The following STRN variants were observed in gnomAD, a reference collection of about 807,000 sequenced individuals.
STRN encodes the protein protein phosphatase 2 regulatory subunit B'''alpha.
STRN carries 53 observed loss-of-function variants against 96.3 expected under a neutral mutation model. The observed-to-expected ratio is 0.55, with a 90% CI of 0.44 to 0.69. The LOEUF is 0.69. Among genes scored for constraint, STRN ranks in the 30% least tolerant of loss-of-function variants. STRN has a pLI of 0.00. For synonymous variants in STRN, 428 were observed against 355.9 expected (o/e 1.20, Z -2.28); for missense variants, 987 against 963.9 (o/e 1.02, Z -0.32).
intron 9 of STRN, among the ~76,000 whole-genome samples, chr2:36,880,343 G>C (rs1215321425): frequency 6.6e-6 from 1 of 152,158 alleles, no homozygotes; most frequent in African/African-American, 2.4e-5. Context: ...GAAGGCTTGA[G>C]GCAGGAGGAT....
At chr2:36,956,240 CA>C (rs969638217) in intron 1 of STRN, among the ~76,000 whole-genome samples, 1 of 152,098 alleles carries the variant, frequency 6.6e-6, no homozygotes, top group Non-Finnish European at 1.5e-5. Flanking sequence ...TCTCAACCAA[CA>C]AAAAAGCAAA....
chr2:36,966,153 G>A (rs1572707436), intron 1 of STRN, 77 bp downstream of exon 1: 2 of 1,361,716 alleles, frequency 1.5e-6, no homozygotes, highest in Non-Finnish European at 1.9e-6. Context: ...GGCTGGGGGA[G>A]GGGGAGAAGG....
In STRN at chr2:36,877,787, C is replaced by G. The variant is rs112912338; in HGVS notation, c.1323+104G>C. 1.2e-5 allele frequency: 16 copies of G among 1,311,892 alleles called. No individual in the cohort carries two copies. The East Asian group carries it at 2.9e-4, about 24-fold the overall frequency. The allele number at this position is 1,311,892 out of a possible 1,614,324, so 81.3% of individuals were successfully genotyped here. A position where few individuals can be genotyped will look rare whatever the true frequency, so the allele number is the denominator to read the frequency against. ...CTGACCTCAAGTGATCCGCCCACCT[C>G]GGCCTCCCAAAGTGCTGGATTACAG... On this transcript the variant is annotated intron_variant, in intron 10 of 17. Transcript: ENST00000263918.
intron 3 of STRN, among the ~76,000 whole-genome samples, chr2:36,911,124 T>C (rs1669955577): frequency 6.6e-6 from 1 of 152,218 alleles, no homozygotes; most frequent in African/African-American, 2.4e-5. Context: ...CACCATCATC[T>C]ATAAATCCCT....
rs1668035289 is a variant in STRN, at chr2:36,845,102, AG to A, written c.*4353del. 6.6e-6 allele frequency: 1 copy of A among 152,162 alleles called. No homozygotes were observed. The highest frequency in any genetic ancestry group is 2.4e-5 in the African/African-American group (1 of 41,448). 9.4% of individuals were successfully genotyped at this position (152,162 alleles called of 1,614,324 possible). ...CCTTGTAGTCACTTTCAAAGAATAA[AG>A]TAATCTAAATAAAATTATACTTAGC... On this transcript the variant is annotated 3_prime_UTR_variant, in exon 18 of 18. Transcript: ENST00000263918.
At position 36,849,755 on chromosome 2, in the gene STRN, C is replaced by G; in HGVS notation, c.2132G>C (p.Ser711Thr). 4 of 1,614,128 alleles carry G rather than the reference C, an allele frequency of 2.5e-6. No individual in the cohort carries two copies. Among genetic ancestry groups the G allele is most frequent in the South Asian group, 2.2e-5 (2 of 91,074 alleles). Residue 711 changes from serine (S) to threonine (T), a missense_variant, in exon 17 of 18, where the codon AGT becomes ACT. Transcript: ENST00000263918. The stretch of plus-strand genomic sequence containing the variant: ...AAGGCCATTGGGATCAACTGCTAAA[C>G]TTGTAACAGCTTCTAGGTGGGCTAC... Reference protein sequence around the residue: ...SMVAHLEAVTSLAVDPNGLYL... With the variant: ...SMVAHLEAVTTLAVDPNGLYL...
At position 36,867,834 on chromosome 2, in the gene STRN, G is replaced by A. The variant is rs751472901; in HGVS notation, c.1527C>T (p.Ile509=). The A allele has an allele frequency of 3.1e-6, 5 of 1,592,230 alleles. No homozygotes were observed. In the South Asian group the frequency reaches 5.7e-5, roughly 18 times the overall value. Residue 509 remains isoleucine (I), a synonymous_variant, in exon 12 of 18, where the codon ATC becomes ATT. Transcript: ENST00000263918. ...CTTACTTATGGGCTCTGAATGTATA[G>A]ATAGGTTCTACATCAAGAGAAGTGC... ...KKSTSLDVEP[I]YTFRAHKGPV...
intron 1 of STRN, among the ~76,000 whole-genome samples, chr2:36,961,109 G>C (rs1665019383): frequency 7.3e-6 from 1 of 137,864 alleles, no homozygotes; most frequent in Non-Finnish European, 1.5e-5. Context: ...TGTTGCCCAG[G>C]CTGCACTTTT....
intron 7 of STRN, 116 bp downstream of exon 7, chr2:36,893,782 A>C: frequency 7.8e-7 from 1 of 1,279,014 alleles, no homozygotes; most frequent in South Asian, 1.6e-5. Context: ...TAGTAGTAAT[A>C]AGTTCACAGA....
chr2:36,892,018 T>TAA (rs1163666688), intron 7 of STRN, among the ~76,000 whole-genome samples: 1 of 152,138 alleles, frequency 6.6e-6, no homozygotes, highest in African/African-American at 2.4e-5. Flanking sequence ...ACTAAAAACG[T>TAA]AAAAAAAGTT....
At chr2:36,944,728 C>G (rs1670936014) in intron 1 of STRN, among the ~76,000 whole-genome samples, 1 of 152,102 alleles carries the variant, frequency 6.6e-6, no homozygotes, top group Non-Finnish European at 1.5e-5. Context: ...ACATTCCATG[C>G]TCCTTAGATG....
intron 1 of STRN, among the ~76,000 whole-genome samples, chr2:36,935,261 C>T (rs1276603949): frequency 6.6e-6 from 1 of 152,162 alleles, no homozygotes; most frequent in Non-Finnish European, 1.5e-5. Context: ...CCTACACACA[C>T]CACAGTAATC....
rs180712027 is a variant in STRN at position 36,870,538 on chromosome 2, A to C, written c.1324-809T>G. Reference sequence around the variant, plus strand: ...CCCATAAAATTATAATGAAGCTGAAAAATTCCTATAGTAACATCATAGCTG... The same window carrying C: ...CCCATAAAATTATAATGAAGCTGAACAATTCCTATAGTAACATCATAGCTG... On this transcript the variant is annotated intron_variant, in intron 10 of 17. Transcript: ENST00000263918. 9.8e-5 allele frequency among the ~76,000 whole-genome samples: 15 copies of C among 152,312 alleles called. No individual in the cohort carries two copies. In the East Asian group the frequency reaches 1.7e-3, roughly 18 times the overall value.
chr2:36,862,800 T>A (rs1028001859), intron 12 of STRN, among the ~76,000 whole-genome samples: 1 of 151,842 alleles, frequency 6.6e-6, no homozygotes, highest in Non-Finnish European at 1.5e-5. Flanking sequence ...AGTGGCGCGA[T>A]CTTGGCTCAC....
At chr2:36,924,911 C>T (rs537585886) in intron 2 of STRN, among the ~76,000 whole-genome samples, 194 bp downstream of exon 2, 16 of 152,162 alleles carry the variant, frequency 1.1e-4, no homozygotes, top group Admixed American at 1.0e-3. Flanking sequence ...ACAAAATTAG[C>T]TGGGTGTGGT....
At chr2:36,924,484 T>C (rs1670357458) in intron 2 of STRN, among the ~76,000 whole-genome samples, 1 of 152,128 alleles carries the variant, frequency 6.6e-6, no homozygotes, top group Non-Finnish European at 1.5e-5. Context: ...GAAATTTCCT[T>C]TAAAAATTAA....
At chr2:36,902,881 G>T in intron 4 of STRN, 130 bp from the exon 5 acceptor site, 1 of 633,194 alleles carries the variant, frequency 1.6e-6, no homozygotes, top group Non-Finnish European at 2.4e-6. Context: ...ATGCTAGTAA[G>T]ACTTGTTAAT....
At chr2:36,946,206 G>T (rs764658888) in intron 1 of STRN, among the ~76,000 whole-genome samples, 2 of 149,882 alleles carry the variant, frequency 1.3e-5, no homozygotes, top group African/African-American at 2.5e-5. Context: ...ACTAGAAAAA[G>T]AGAGGTATAA....
rs1667912210 is a variant in STRN at position 36,839,957 on chromosome 2, G to A, written c.*9499C>T. ...CTGTCAGAAAACCAAAGACAGAGAT[G>A]TTCCTAGGAGAGTTAATAAACATTG... On this transcript the variant is annotated 3_prime_UTR_variant, in exon 18 of 18. Transcript: ENST00000263918. 1 of 152,140 alleles carries A rather than the reference G, an allele frequency of 6.6e-6. No individual in the cohort carries two copies. The highest frequency in any genetic ancestry group is 2.4e-5 in the African/African-American group (1 of 41,432). The allele number at this position is 152,140 out of a possible 1,614,324, so 9.4% of individuals were successfully genotyped here.
Sources: allele counts gnomAD v4.1 joint callset (sites outside exome capture counted in the v4.1 genomes callset), GRCh38; gene constraint gnomAD v4.1.1; transcripts MANE v1.5; gene names NCBI Gene and HGNC (gene_info 2026-07-23, HGNC 2026-07-21).